Variants in BICD2 observed in about 807,000 individuals in gnomAD.
BICD2 encodes protein bicaudal D homolog 2.
Under a neutral mutation model 72.9 loss-of-function variants are expected in BICD2, and 25 were observed. The ratio of observed to expected loss-of-function variants is 0.34; its 90% confidence interval spans 0.25 to 0.48. BICD2 has a LOEUF of 0.48. Among genes scored for constraint, BICD2 ranks in the 20% least tolerant of loss-of-function variants. The probability of loss-of-function intolerance (pLI) is 0.99; values close to 1 mark genes in which losing one functional copy is unlikely to be tolerated. For missense variants in BICD2, 894 were observed against 1,175.2 expected, an observed-to-expected ratio of 0.76 and a Z score of 3.50; for synonymous variants, 501 against 516.1, an observed-to-expected ratio of 0.97 and a Z score of 0.40.
At position 92,711,610 on chromosome 9, in the gene BICD2, A is replaced by G. The variant is rs1252659455; in HGVS notation, c.*3544T>C. 6.6e-6 allele frequency: 1 copy of G among 152,624 alleles called. No homozygotes were observed. Among genetic ancestry groups the G allele is most frequent in the African/African-American group, 2.4e-5 (1 of 41,436 alleles). 9.5% of individuals were successfully genotyped at this position (152,624 alleles called of 1,614,324 possible). A position where few individuals can be genotyped will look rare whatever the true frequency, so the allele number is the denominator to read the frequency against. ...GGTTCCTTGGCAGGAGAACATGCATATGACTTTAAAATAAAGACCAACATT... is the reference window on the plus strand; with the variant it reads ...GGTTCCTTGGCAGGAGAACATGCATGTGACTTTAAAATAAAGACCAACATT... On this transcript the variant is annotated 3_prime_UTR_variant, in exon 7 of 7. Coordinates refer to ENST00000356884, the MANE Select transcript of BICD2 (RefSeq NM_001003800.2).
intron 1 of BICD2, among the ~76,000 whole-genome samples, chr9:92,740,877 C>T (rs1163324074): frequency 6.6e-6 from 1 of 152,186 alleles, no homozygotes; most frequent in East Asian, 1.9e-4. Context: ...GCAAGATGGG[C>T]ATCGGCACCA....
intron 1 of BICD2, among the ~76,000 whole-genome samples, chr9:92,742,897 C>T (rs1388768799): frequency 6.6e-6 from 1 of 152,192 alleles, no homozygotes; most frequent in Non-Finnish European, 1.5e-5. Context: ...AATTCCCTTC[C>T]CTTTCATGGT....
chr9:92,738,603 C>T (rs1489545597), intron 1 of BICD2, among the ~76,000 whole-genome samples: 1 of 152,220 alleles, frequency 6.6e-6, no homozygotes, highest in Non-Finnish European at 1.5e-5. Flanking sequence ...CCTTCAGTCT[C>T]CGGACAAACC....
At chr9:92,727,108 G>C (rs192052976) in intron 2 of BICD2, among the ~76,000 whole-genome samples, 1 of 152,104 alleles carries the variant, frequency 6.6e-6, no homozygotes, top group Non-Finnish European at 1.5e-5. Context: ...ATGTACTGCC[G>C]CTTCAGGATC....
At chr9:92,752,029 T>C (rs1477471360) in intron 1 of BICD2, among the ~76,000 whole-genome samples, 1 of 152,050 alleles carries the variant, frequency 6.6e-6, no homozygotes. Flanking sequence ...GGTCTCGAAC[T>C]CCTAACCTCA....
In BICD2 at chr9:92,764,760, A is replaced by C; in HGVS notation, c.-16T>G. 6.5e-7 allele frequency: 1 copy of C among 1,532,374 alleles called. No homozygotes were observed. Among genetic ancestry groups the C allele is most frequent in the Non-Finnish European group, 8.7e-7 (1 of 1,148,320 alleles). 94.9% of individuals were successfully genotyped at this position (1,532,374 alleles called of 1,614,324 possible). On this transcript the variant is annotated 5_prime_UTR_variant, in exon 1 of 7. Coordinates refer to ENST00000356884, the MANE Select transcript of BICD2 (RefSeq NM_001003800.2). The surrounding 1 kb of genome is among the most constrained non-coding windows in gnomAD (Gnocchi z 5.5). ...GCGCCGACATGGTGGCCGAGGGCTG[A>C]GCCGGCTCCCACTGAGGCTCTCGCA...
At chr9:92,731,716 G>A (rs1236411244) in intron 1 of BICD2, among the ~76,000 whole-genome samples, 1 of 152,190 alleles carries the variant, frequency 6.6e-6, no homozygotes, top group African/African-American at 2.4e-5. Flanking sequence ...AGCCAAGCTA[G>A]GCAGACCTGC....
rs367810607 is a variant in BICD2, at chr9:92,713,495, G to A, written c.*1659C>T. 57 of 1,581,830 alleles carry A rather than the reference G, an allele frequency of 3.6e-5. No individual in the cohort carries two copies. Among genetic ancestry groups the A allele is most frequent in the African/African-American group, 6.7e-5 (5 of 74,422 alleles). Reference sequence around the variant, plus strand: ...GGGAGAAAAGAGAGCGTTAGAAAGCGGTCATCTGTCGCTTCCTGTTTATCT... The same window carrying A: ...GGGAGAAAAGAGAGCGTTAGAAAGCAGTCATCTGTCGCTTCCTGTTTATCT... On this transcript the variant is annotated 3_prime_UTR_variant, in exon 7 of 7. Coordinates refer to ENST00000356884, the MANE Select transcript of BICD2 (RefSeq NM_001003800.2).
In BICD2 at chr9:92,764,663, G is replaced by A. The variant is rs563260309; in HGVS notation, c.82C>T (p.Arg28Trp). ...QPEWLRAEVK[R>W]LSHELAETTR... ...GTCTCGGCCAGCTCGTGGGACAGCC[G>A]CTTCACCTCGGCGCGCAGCCACTCC... Residue 28 changes from arginine (R) to tryptophan (W), a missense_variant, in exon 1 of 7, where the codon CGG becomes TGG. Coordinates refer to ENST00000356884, the MANE Select transcript of BICD2 (RefSeq NM_001003800.2). The surrounding 1 kb of genome is among the most constrained non-coding windows in gnomAD (Gnocchi z 5.5). 5 of 1,590,634 alleles carry A rather than the reference G, an allele frequency of 3.1e-6. No individual in the cohort carries two copies. The highest frequency in any genetic ancestry group is 2.3e-5 in the East Asian group (1 of 43,514).
chr9:92,742,156 C>T (rs776462656), intron 1 of BICD2, among the ~76,000 whole-genome samples: 12 of 152,124 alleles, frequency 7.9e-5, no homozygotes, highest in Admixed American at 3.3e-4. Flanking sequence ...CAGCTACAGA[C>T]CTGGAAGGAA....
intron 1 of BICD2, among the ~76,000 whole-genome samples, chr9:92,755,940 A>C (rs1854245592): frequency 6.6e-6 from 1 of 152,260 alleles, no homozygotes. Flanking sequence ...AAGGAAACTG[A>C]GGCCCAGAGA....
At chr9:92,721,118 T>C (rs1156581906) in intron 3 of BICD2, among the ~76,000 whole-genome samples, 3 of 152,234 alleles carry the variant, frequency 2.0e-5, no homozygotes, top group Non-Finnish European at 4.4e-5. Context: ...CATCCATCCA[T>C]AGAAGGCTGC....
intron 1 of BICD2, among the ~76,000 whole-genome samples, chr9:92,741,106 T>C (rs150662169): frequency 2.3e-3 from 348 of 152,350 alleles, no homozygotes; most frequent in Non-Finnish European, 3.9e-3. Context: ...TTTGCTGAGT[T>C]TGTAATGTCC....
Position 92,718,935 on chromosome 9 carries a change from C to A in BICD2, c.1710G>T (p.Gly570=), listed in dbSNP as rs1564059966. The A allele has an allele frequency of 6.2e-7, 1 of 1,608,846 alleles. No individual in the cohort carries two copies. Among genetic ancestry groups the A allele is most frequent in the Non-Finnish European group, 8.5e-7 (1 of 1,179,390 alleles). ...CACGCGCCTCGGGGCTGGTGCGGCC[C>A]CCGGGACTGGTGCGGCCGGCCCCGC... The part of the protein sequence containing the change: ...GQGGAGRTSP[G]GRTSPEARGR... Residue 570 remains glycine (G), a synonymous_variant, in exon 5 of 7, where the codon GGG becomes GGT. Coordinates refer to ENST00000356884, the MANE Select transcript of BICD2 (RefSeq NM_001003800.2).
chr9:92,724,392 G>A, intron 2 of BICD2, among the ~76,000 whole-genome samples: 1 of 152,228 alleles, frequency 6.6e-6, no homozygotes, highest in East Asian at 1.9e-4. Flanking sequence ...AACAGAGAGG[G>A]GAGGAGAGTC....
intron 2 of BICD2, among the ~76,000 whole-genome samples, chr9:92,727,504 T>C (rs979959634): frequency 2.0e-5 from 3 of 152,114 alleles, no homozygotes; most frequent in Admixed American, 6.5e-5. Flanking sequence ...GCAAAGCCAG[T>C]ATCAGCCCAT....
intron 1 of BICD2, among the ~76,000 whole-genome samples, chr9:92,734,557 C>A (rs941903002): frequency 1.3e-5 from 2 of 151,754 alleles, no homozygotes; most frequent in Non-Finnish European, 2.9e-5. Flanking sequence ...CCACCTCCCC[C>A]ACCCCCAACC....
intron 6 of BICD2, 40 bp from the exon 7 acceptor site, chr9:92,715,503 C>A (rs780429669): frequency 6.5e-7 from 1 of 1,546,560 alleles, no homozygotes; most frequent in Non-Finnish European, 8.8e-7. Context: ...CGGGCAGAGC[C>A]GAGCAGAGGA....
intron 1 of BICD2, among the ~76,000 whole-genome samples, chr9:92,737,812 AGGAGGAAACAGT>A (rs1853819177): frequency 6.6e-6 from 1 of 152,218 alleles, no homozygotes; most frequent in African/African-American, 2.4e-5. Context: ...CCTAGTGCAG[AGGAGGAAACAGT>A]GGCAGGTGAT....
Sources: gnomAD v4.1 joint callset for allele counts (sites outside exome capture counted in the v4.1 genomes callset) on GRCh38, gnomAD v4.1.1 for gene constraint, Gnocchi (gnomAD v3.1) non-coding constraint, MANE v1.5 for transcripts, NCBI Gene and HGNC (gene_info 2026-07-23, HGNC 2026-07-21) for gene names.